ARB2A: variants seen among roughly 807,000 people sequenced by gnomAD.
The protein encoded by ARB2A is ARB2 cotranscriptional regulator A.
At chr5:94,064,325 A>T in the ARB2A span, among the ~76,000 whole-genome samples, 2 of 152,176 alleles carry the variant, frequency 1.3e-5, no homozygotes, top group African/African-American at 2.4e-5. Flanking sequence ...AAAAACAATG[A>T]GCAAGGGCTA....
the ARB2A span, among the ~76,000 whole-genome samples, chr5:94,059,449 C>A: frequency 6.6e-6 from 1 of 151,094 alleles, no homozygotes; most frequent in Non-Finnish European, 1.5e-5. Context: ...ATGGTGAAAC[C>A]CCATCTACCA....
chr5:93,859,417 A>G, the ARB2A span, among the ~76,000 whole-genome samples: 2 of 152,100 alleles, frequency 1.3e-5, no homozygotes, highest in Non-Finnish European at 2.9e-5. Context: ...TCTAAGGCAC[A>G]TGAAAAAAAA....
At chr5:93,727,141 C>G in the ARB2A span, among the ~76,000 whole-genome samples, 1 of 151,710 alleles carries the variant, frequency 6.6e-6, no homozygotes, top group South Asian at 2.1e-4. Flanking sequence ...GAAAATATAC[C>G]AGGAAACAAG....
At chr5:93,977,286 T>C in the ARB2A span, among the ~76,000 whole-genome samples, 2 of 151,538 alleles carry the variant, frequency 1.3e-5, no homozygotes, top group African/African-American at 2.4e-5. Context: ...AGAGACCAAG[T>C]AGTCAAGCCA....
chr5:93,745,658 T>C, the ARB2A span, among the ~76,000 whole-genome samples: 2 of 152,092 alleles, frequency 1.3e-5, no homozygotes, highest in African/African-American at 2.4e-5. Flanking sequence ...TAGTTCTCTG[T>C]AGCAGAGTCT....
At chr5:93,667,221 T>A in the ARB2A span, among the ~76,000 whole-genome samples, 1 of 152,166 alleles carries the variant, frequency 6.6e-6, no homozygotes, top group African/African-American at 2.4e-5. Context: ...TACATCATCC[T>A]CCTTTAGGCT....
chr5:93,765,130 G>A, the ARB2A span, among the ~76,000 whole-genome samples: 1 of 152,136 alleles, frequency 6.6e-6, no homozygotes, highest in East Asian at 1.9e-4. Flanking sequence ...TTGCAAAACT[G>A]GCGTAAGACA....
the ARB2A span, among the ~76,000 whole-genome samples, chr5:93,962,523 T>C: frequency 1.3e-5 from 2 of 151,998 alleles, no homozygotes; most frequent in South Asian, 2.1e-4. Context: ...ACTATAAAAC[T>C]AAAAGAGTTC....
At chr5:93,802,949 A>G in the ARB2A span, among the ~76,000 whole-genome samples, 1 of 152,120 alleles carries the variant, frequency 6.6e-6, no homozygotes, top group Non-Finnish European at 1.5e-5. Context: ...GTATTTCGCT[A>G]ACATCCAGAA....
chr5:93,697,685 G>A, the ARB2A span, among the ~76,000 whole-genome samples: 13 of 151,936 alleles, frequency 8.6e-5, no homozygotes, highest in Admixed American at 5.2e-4. Context: ...GTTTCTTACC[G>A]CTTCAGCACA....
the ARB2A span, among the ~76,000 whole-genome samples, chr5:93,811,228 A>T: frequency 2.0e-5 from 3 of 152,272 alleles, no homozygotes; most frequent in East Asian, 5.8e-4. Flanking sequence ...TTGGCCAACG[A>T]AACTCATCTA....
the ARB2A span, among the ~76,000 whole-genome samples, chr5:93,879,162 G>A: frequency 6.6e-6 from 1 of 151,994 alleles, no homozygotes; most frequent in Non-Finnish European, 1.5e-5. Flanking sequence ...ACTAGCAGAA[G>A]TCATTTCCAG....
At chr5:94,005,005 A>C in the ARB2A span, among the ~76,000 whole-genome samples, 1 of 108,622 alleles carries the variant, frequency 9.2e-6, no homozygotes, top group African/African-American at 3.8e-5. Flanking sequence ...CAGCAAAAAA[A>C]AAAAAAAAAA....
the ARB2A span, among the ~76,000 whole-genome samples, chr5:93,645,524 A>G: frequency 6.6e-6 from 1 of 151,848 alleles, no homozygotes; most frequent in Non-Finnish European, 1.5e-5. Flanking sequence ...CAGTGAGCCA[A>G]GATTGCGCCA....
the ARB2A span, among the ~76,000 whole-genome samples, chr5:93,628,987 T>G: frequency 6.6e-6 from 1 of 152,240 alleles, no homozygotes. Flanking sequence ...GCAAGAGGCC[T>G]AGCTTTCAGC....
the ARB2A span, among the ~76,000 whole-genome samples, chr5:93,909,972 T>G: frequency 6.6e-6 from 1 of 150,924 alleles, no homozygotes; most frequent in African/African-American, 2.4e-5. Flanking sequence ...AAGTATTAAC[T>G]ATAGGAATTA....
chr5:94,033,175 T>C, the ARB2A span, among the ~76,000 whole-genome samples: 8 of 152,164 alleles, frequency 5.3e-5, no homozygotes, highest in Non-Finnish European at 1.2e-4. Flanking sequence ...TAAACCTCCT[T>C]CCTTTACAAA....
chr5:93,881,785 A>G, the ARB2A span: 1 of 662,462 alleles, frequency 1.5e-6, no homozygotes, highest in Non-Finnish European at 2.3e-6. Context: ...CAATTTTTAT[A>G]TAGTTGCATA....
the ARB2A span, chr5:93,881,262 A>T: frequency 1.8e-4 from 72 of 391,108 alleles, no homozygotes; most frequent in Non-Finnish European, 2.5e-4. Context: ...TGCATTTGTG[A>T]CTTCTATAAA....
Sources: gnomAD v4.1 joint callset for allele counts (sites outside exome capture counted in the v4.1 genomes callset) on GRCh38, gnomAD v4.1.1 for gene constraint, MANE v1.5 for transcripts, NCBI Gene and HGNC (gene_info 2026-07-23, HGNC 2026-07-21) for gene names.